The following UBR3 variants were observed in gnomAD, a reference collection of about 807,000 sequenced individuals.
The protein encoded by UBR3 is ubiquitin protein ligase E3 component n-recognin 3.
A neutral mutation model predicts 243.2 loss-of-function variants in UBR3; 85 were observed. That is an observed-to-expected ratio of 0.35 (90% CI 0.29 to 0.42). The LOEUF (loss-of-function observed/expected upper bound fraction) is 0.42, where lower values mean the gene tolerates loss of function less well. UBR3 is among the 10% of genes least tolerant of loss of function. UBR3 has a pLI of 1.00. For synonymous variants in UBR3, 748 were observed against 799.8 expected, an observed-to-expected ratio of 0.94 and a Z score of 1.09; for missense variants, 1,686 against 2,300.8, an observed-to-expected ratio of 0.73 and a Z score of 5.47.
chr2:170,014,885 A>G (rs955353294), intron 29 of UBR3: 1 of 154,652 alleles, frequency 6.5e-6, no homozygotes, highest in African/African-American at 2.4e-5. Flanking sequence ...TGTGTTTTAT[A>G]TGGCAATAAC....
At chr2:169,981,492 C>A (rs2088728246) in intron 24 of UBR3, among the ~76,000 whole-genome samples, 1 of 152,082 alleles carries the variant, frequency 6.6e-6, no homozygotes, top group Non-Finnish European at 1.5e-5. Context: ...GGATACTACT[C>A]CTCAAAACTG....
chr2:169,998,154 C>T (rs1280496143), intron 26 of UBR3, among the ~76,000 whole-genome samples: 2 of 145,440 alleles, frequency 1.4e-5, no homozygotes, highest in Admixed American at 1.4e-4. Flanking sequence ...TTTTTAATTA[C>T]TTTAGAGTAA....
At chr2:169,975,201 T>G (rs764096588) in intron 24 of UBR3, among the ~76,000 whole-genome samples, 1 of 152,142 alleles carries the variant, frequency 6.6e-6, no homozygotes, top group Non-Finnish European at 1.5e-5. Flanking sequence ...CCCTCTTAAT[T>G]TCTTCCTTGA....
intron 19 of UBR3, among the ~76,000 whole-genome samples, chr2:169,934,174 T>G (rs2086239877): frequency 6.6e-6 from 1 of 152,178 alleles, no homozygotes; most frequent in Admixed American, 6.5e-5. Context: ...ATAAATAAAT[T>G]TGAGTAATTC....
chr2:169,831,219 C>T (rs1459430289), intron 1 of UBR3, among the ~76,000 whole-genome samples: 1 of 143,606 alleles, frequency 7.0e-6, no homozygotes, highest in African/African-American at 2.6e-5. Flanking sequence ...TGGCTCACCG[C>T]AACCTCTGCC....
At chr2:170,068,461 C>G (rs918002578) in intron 35 of UBR3, among the ~76,000 whole-genome samples, 2 of 151,878 alleles carry the variant, frequency 1.3e-5, no homozygotes, top group East Asian at 1.9e-4. Context: ...GAGCGAGACC[C>G]TGTCTCAAAA....
intron 31 of UBR3, among the ~76,000 whole-genome samples, chr2:170,036,799 C>G (rs1246272635): frequency 6.6e-6 from 1 of 152,038 alleles, no homozygotes; most frequent in Non-Finnish European, 1.5e-5. Flanking sequence ...TTGCCGTCTA[C>G]TTTTGTAATT....
chr2:170,075,016 T>C (rs186457959), intron 36 of UBR3, among the ~76,000 whole-genome samples: 7 of 152,252 alleles, frequency 4.6e-5, no homozygotes, highest in Admixed American at 2.6e-4. Context: ...GAATTTTAAT[T>C]TTGAACATCA....
intron 32 of UBR3, among the ~76,000 whole-genome samples, chr2:170,041,438 T>G (rs1327170886): frequency 6.6e-6 from 1 of 152,188 alleles, no homozygotes; most frequent in East Asian, 1.9e-4. Context: ...GAGCAAACTC[T>G]CAGCCTTAGT....
chr2:170,066,191 T>C (rs555083028), intron 35 of UBR3, among the ~76,000 whole-genome samples: 1 of 152,328 alleles, frequency 6.6e-6, no homozygotes, highest in African/African-American at 2.4e-5. Flanking sequence ...TAATCAAGAA[T>C]GGTAACTAGT....
intron 1 of UBR3, among the ~76,000 whole-genome samples, chr2:169,850,433 C>T (rs531828599): frequency 1.3e-5 from 2 of 152,282 alleles, no homozygotes; most frequent in South Asian, 2.1e-4. Flanking sequence ...CCCGTCTCCT[C>T]CTACCAAAGT....
intron 35 of UBR3, 110 bp downstream of exon 35, chr2:170,061,553 C>A (rs181477956): frequency 7.4e-7 from 1 of 1,353,836 alleles, no homozygotes; most frequent in Non-Finnish European, 1.0e-6. Flanking sequence ...CTGCAACCTC[C>A]GCCTGCCAGG....
chr2:169,954,315 A>T lies in UBR3; in HGVS notation c.3546-4123A>T, dbSNP rs189348440. On this transcript the variant is annotated intron_variant, in intron 23 of 38. Transcript: ENST00000272793. ...GAGTATAGTGGTATGATCACGGCTC[A>T]CTGCAGCCTTGACCTCCTAGGCTCA... Among the ~76,000 whole-genome samples the T allele has an allele frequency of 1.2e-3, 178 of 152,170 alleles. 2 individuals are homozygous for T. The highest frequency in any genetic ancestry group is 2.6e-4 in the Non-Finnish European group (18 of 68,016).
At position 169,986,681 on chromosome 2, in the gene UBR3, C is replaced by T. The variant is rs750240895; in HGVS notation, c.3671C>T (p.Thr1224Met). The stretch of plus-strand genomic sequence containing the variant: ...AATGATATTCCTATGGAGATCACCA[C>T]GGCAGAACCACAGGTTTCCGAGGCA... ...PENDIPMEIT[T>M]AEPQVSEAVY... is the part of the protein sequence containing the mutation. Residue 1224 changes from threonine to methionine, a missense_variant, in exon 25 of 39, where the codon ACG becomes ATG. By Grantham distance (81) the Thr-to-Met change is moderately conservative. Transcript: ENST00000272793. The T allele has an allele frequency of 1.4e-5, 22 of 1,613,506 alleles. No individual in the cohort carries two copies. The highest frequency in any genetic ancestry group is 1.6e-4 in the Middle Eastern group (1 of 6,080).
chr2:169,949,817 A>T lies in UBR3; in HGVS notation c.3297A>T (p.Lys1099Asn). 1 of 1,556,108 alleles carries T rather than the reference A, an allele frequency of 6.4e-7. No individual in the cohort carries two copies. Among genetic ancestry groups the T allele is most frequent in the Non-Finnish European group, 8.7e-7 (1 of 1,148,846 alleles). ...ILSLLIKLHH[K>N]LSGKQNSYYP... Reference sequence around the variant, plus strand: ...CTTTGCTAATTAAACTTCACCACAAACTCTCAGGAAAACAAAACTCCTACT... The same window carrying T: ...CTTTGCTAATTAAACTTCACCACAATCTCTCAGGAAAACAAAACTCCTACT... The change falls in exon 23 of 39, where the codon AAA (lysine) becomes AAT (asparagine). Residue 1099 changes from lysine to asparagine, a missense_variant. By Grantham distance (94) the Lys-to-Asn change is moderately conservative (BLOSUM62 0). Around this residue, in one of 8 missense-constraint regions of UBR3, gnomAD observed 300 missense variants for 314.4 expected, o/e 0.95. Transcript: ENST00000272793.
At chr2:169,860,592 T>C (rs964774419) in intron 1 of UBR3, among the ~76,000 whole-genome samples, 1 of 152,084 alleles carries the variant, frequency 6.6e-6, no homozygotes, top group Non-Finnish European at 1.5e-5. Context: ...TGTTTTTTTT[T>C]CCTCAGTATA....
intron 19 of UBR3, among the ~76,000 whole-genome samples, chr2:169,933,378 A>G (rs901820308): frequency 6.6e-6 from 1 of 152,202 alleles, no homozygotes; most frequent in African/African-American, 2.4e-5. Context: ...GGTGTCTGTA[A>G]TAAGTGAACA....
At chr2:169,915,720 C>A (rs1375107174) in intron 11 of UBR3, among the ~76,000 whole-genome samples, 2 of 152,092 alleles carry the variant, frequency 1.3e-5, no homozygotes, top group East Asian at 3.9e-4. Flanking sequence ...TAGGGTGGTA[C>A]CTGCTAGACT....
At chr2:169,957,088 AT>A (rs1162702714) in intron 23 of UBR3, among the ~76,000 whole-genome samples, 3 of 151,964 alleles carry the variant, frequency 2.0e-5, no homozygotes, top group African/African-American at 7.3e-5. Flanking sequence ...CTAACCTTTC[AT>A]TTTTTCTTCT....
Sources: gnomAD v4.1 joint callset for allele counts (sites outside exome capture counted in the v4.1 genomes callset) on GRCh38, gnomAD v4.1.1 for gene constraint, gnomAD v4.1.1 regional missense constraint, MANE v1.5 for transcripts, NCBI Gene and HGNC (gene_info 2026-07-23, HGNC 2026-07-21) for gene names.